PCDHA1: variants seen among roughly 807,000 people sequenced by gnomAD.
The protein encoded by PCDHA1 is protocadherin alpha-1.
In PCDHA1, 42 loss-of-function variants were observed where a neutral mutation model predicts 61.3. The observed-to-expected ratio is 0.69, with a 90% confidence interval of 0.54 to 0.89. The LOEUF is 0.89. Among genes scored for constraint, PCDHA1 ranks in the 40% least tolerant of loss-of-function variants. The pLI is 0.00. For synonymous variants in PCDHA1, 610 were observed against 553.8 expected (o/e 1.10, Z -1.43); for missense variants, 1,256 against 1,235.3 (o/e 1.02, Z -0.25).
At chr5:140,941,185 CTTTT>C (rs782102770) in intron 1 of PCDHA1, among the ~76,000 whole-genome samples, 59 of 102,236 alleles carry the variant, frequency 5.8e-4, no homozygotes, top group South Asian at 3.1e-3. Context: ...CATCCTGCTT[CTTTT>C]TTTTTCTTTC....
At chr5:140,924,894 CAAAAAA>C (rs782133089) in intron 1 of PCDHA1, among the ~76,000 whole-genome samples, 79 of 71,496 alleles carry the variant, frequency 1.1e-3, no homozygotes, top group African/African-American at 2.7e-3. Flanking sequence ...GAACCTGTCT[CAAAAAA>C]AAAAATAAAA....
chr5:140,982,561 C>G lies in PCDHA1; in HGVS notation c.2540C>G (p.Pro847Arg), dbSNP rs560422677. ...QQWPTVSSAT[P>R]EPEAGEVSPP... The stretch of plus-strand genomic sequence containing the variant: ...TGGCCAACAGTATCCAGTGCAACAC[C>G]AGGTAAAGAGCTGGGGTCTCTCCAT... The change falls in exon 3 of 4, where the codon CCA (proline) becomes CGA (arginine). Residue 847 changes from proline (P) to arginine (R), a missense_variant and splice_region_variant. By Grantham distance (103) the Pro-to-Arg change is moderately radical. Coordinates refer to ENST00000504120, the MANE Select transcript of PCDHA1 (RefSeq NM_018900.4). The G allele has an allele frequency of 6.2e-7, 1 of 1,614,060 alleles. No individual in the cohort carries two copies. Among genetic ancestry groups the G allele is most frequent in the African/African-American group, 1.3e-5 (1 of 75,052 alleles).
intron 1 of PCDHA1, chr5:140,795,122 G>T (rs782117441): frequency 1.2e-6 from 2 of 1,614,044 alleles, no homozygotes; most frequent in Non-Finnish European, 1.7e-6. Flanking sequence ...CAGGACCTGG[G>T]GCTGGAGCTG....
At chr5:140,836,574 G>C in intron 1 of PCDHA1, 10 of 1,613,706 alleles carry the variant, frequency 6.2e-6, no homozygotes, top group Non-Finnish European at 8.5e-6. Context: ...CTCTGAGGGC[G>C]CATGTAGTTT....
At chr5:140,824,778 C>G (rs189409181) in intron 1 of PCDHA1, 1 of 151,724 alleles carries the variant, frequency 6.6e-6, no homozygotes, top group Non-Finnish European at 1.5e-5. Context: ...TGTTTTAACA[C>G]CACCCTTCCA....
chr5:140,874,545 A>G (rs1362898895), intron 1 of PCDHA1, among the ~76,000 whole-genome samples: 1 of 152,240 alleles, frequency 6.6e-6, no homozygotes, highest in Non-Finnish European at 1.5e-5. Context: ...AAAACCCTTT[A>G]AGAGATCTTT....
In PCDHA1 at chr5:140,850,134, A is replaced by C. The variant is rs2150469280; in HGVS notation, c.2394+61450A>C. 12 of 1,595,730 alleles carry C rather than the reference A, an allele frequency of 7.5e-6. 1 individual carries two copies. The highest frequency in any genetic ancestry group is 1.0e-5 in the Non-Finnish European group (12 of 1,167,876). On this transcript the variant is annotated intron_variant, in intron 1 of 3. Transcript: ENST00000504120. ...CGACGCGGGCGTGCCGCCTCTGGGC[A>C]GCAACGTGACGCTGCAGGTGTTCGT...
At chr5:140,821,698 T>C (rs1554128149) in intron 1 of PCDHA1, 1 of 1,403,310 alleles carries the variant, frequency 7.1e-7, no homozygotes, top group African/African-American at 1.4e-5. Flanking sequence ...AAAAAATATA[T>C]AGTTAATTGG....
chr5:140,848,724 G>T, intron 1 of PCDHA1: 5 of 1,592,662 alleles, frequency 3.1e-6, no homozygotes, highest in Non-Finnish European at 4.3e-6. Context: ...CCTTCTGGAG[G>T]TAAATCTGCA....
At chr5:140,862,706 G>A in intron 1 of PCDHA1, 1 of 558,712 alleles carries the variant, frequency 1.8e-6, no homozygotes, top group South Asian at 1.4e-5. Context: ...ATGGAACAGC[G>A]GGTGGGCGAG....
chr5:140,841,385 G>C, intron 1 of PCDHA1: 2 of 1,613,440 alleles, frequency 1.2e-6, no homozygotes, highest in Non-Finnish European at 1.7e-6. Context: ...TCTGCTCCTC[G>C]CAGCCTGGAA....
intron 1 of PCDHA1, 45 bp downstream of exon 1, chr5:140,788,729 T>G (rs372802809): frequency 5.8e-5 from 87 of 1,497,032 alleles, no homozygotes; most frequent in Non-Finnish European, 7.8e-5. Context: ...TTTTCATATT[T>G]AACTTGTCTA....
At chr5:140,926,772 G>A in intron 1 of PCDHA1, 1 of 1,380,738 alleles carries the variant, frequency 7.2e-7, no homozygotes, top group Non-Finnish European at 9.4e-7. Context: ...CCAGCCCGCA[G>A]CAGTGACGGC....
intron 1 of PCDHA1, chr5:140,829,845 T>C (rs2150176027): frequency 1.3e-5 from 21 of 1,613,782 alleles, no homozygotes; most frequent in Non-Finnish European, 8.5e-7. Context: ...CCGCGGTCAC[T>C]GGGTGCAGGC....
chr5:140,929,118 A>T, intron 1 of PCDHA1: 2 of 1,614,150 alleles, frequency 1.2e-6, no homozygotes, highest in Non-Finnish European at 1.7e-6. Context: ...CAGCCACCAT[A>T]GATGTCACTA....
intron 1 of PCDHA1, chr5:140,853,237 A>T: frequency 1.0e-6 from 1 of 980,784 alleles, no homozygotes; most frequent in Non-Finnish European, 1.2e-6. Context: ...TTAGTCCTTC[A>T]TATTAATCTC....
rs782473800 is a variant in PCDHA1 at position 140,927,043 on chromosome 5, T to C, written c.2395-51906T>C. On this transcript the variant is annotated intron_variant, in intron 1 of 3. Transcript: ENST00000504120. Reference sequence around the variant, plus strand: ...CTTGAGGCTGCCAGCGGCCGCTATGTCCTCGCGGAACTTTCGCTTCCTTTC... The same window carrying C: ...CTTGAGGCTGCCAGCGGCCGCTATGCCCTCGCGGAACTTTCGCTTCCTTTC... 11 of 1,612,262 alleles carry C rather than the reference T, an allele frequency of 6.8e-6. No homozygotes were observed. Among genetic ancestry groups the C allele is most frequent in the Non-Finnish European group, 9.3e-6 (11 of 1,178,916 alleles).
intron 1 of PCDHA1, among the ~76,000 whole-genome samples, chr5:140,960,594 G>A (rs1341832093): frequency 6.6e-6 from 1 of 152,042 alleles, no homozygotes; most frequent in African/African-American, 2.4e-5. Flanking sequence ...CAAATTCAAG[G>A]TACTTCAACA....
chr5:140,869,158 C>T (rs782164931), intron 1 of PCDHA1: 1 of 1,613,872 alleles, frequency 6.2e-7, no homozygotes, highest in East Asian at 2.2e-5. Context: ...GCTCTGGCTT[C>T]TCCTCCTCGA....
Sources: allele counts gnomAD v4.1 joint callset (sites outside exome capture counted in the v4.1 genomes callset), GRCh38; gene constraint gnomAD v4.1.1; transcripts MANE v1.5; gene names NCBI Gene and HGNC (gene_info 2026-07-23, HGNC 2026-07-21).